The following FGGY variants were observed in gnomAD, a reference collection of about 807,000 sequenced individuals.
FGGY encodes the protein FGGY carbohydrate kinase domain-containing protein.
FGGY carries 72 observed loss-of-function variants against 71.3 expected under a neutral mutation model. The observed-to-expected ratio is 1.01, with a 90% CI of 0.84 to 1.23. FGGY has a LOEUF of 1.23. Ranked by LOEUF, FGGY falls within the 50% of genes most tolerant of loss-of-function variation. FGGY has a pLI of 0.00. For synonymous variants in FGGY, 251 were observed against 250.3 expected (o/e 1.00, Z -0.02); for missense variants, 668 against 682.3 (o/e 0.98, Z 0.23).
chr1:59,590,734 A>T (rs1057288214), intron 8 of FGGY, among the ~76,000 whole-genome samples: 2 of 152,230 alleles, frequency 1.3e-5, no homozygotes, highest in Non-Finnish European at 2.9e-5. Flanking sequence ...GACAAAATTC[A>T]ACAACGCCTT....
chr1:59,529,391 C>G (rs1346142229), intron 7 of FGGY, among the ~76,000 whole-genome samples: 1 of 152,136 alleles, frequency 6.6e-6, no homozygotes, highest in Non-Finnish European at 1.5e-5. Context: ...CAGTGAGAAC[C>G]CCCTGAGGTT....
Position 59,576,651 on chromosome 1 carries a change from A to AT in FGGY, c.903+22426dup, listed in dbSNP as rs571706155. Among the ~76,000 whole-genome samples the AT allele has an allele frequency of 1.8e-4, 24 of 135,770 alleles. No individual in the cohort carries two copies. The South Asian group carries it at 6.5e-3, about 37-fold the overall frequency. The allele number at this position is 135,770 out of a possible 152,430, so 89.1% of individuals were successfully genotyped here. ...CCAGTGAGAGTGATATTTGCTAGAG[A>AT]TTACAGACAGACAGACAGACAGACA... On this transcript the variant is annotated intron_variant, in intron 8 of 15. Transcript: ENST00000303721.
At chr1:59,360,729 C>G (rs1482351096) in intron 4 of FGGY, among the ~76,000 whole-genome samples, 1 of 152,282 alleles carries the variant, frequency 6.6e-6, no homozygotes, top group African/African-American at 2.4e-5. Context: ...ATATACTTAC[C>G]TTTAGAGGCA....
intron 7 of FGGY, among the ~76,000 whole-genome samples, chr1:59,541,854 A>G (rs141485807): frequency 1.3e-5 from 2 of 152,316 alleles, no homozygotes; most frequent in African/African-American, 2.4e-5. Flanking sequence ...GCTGTCACCT[A>G]CTGTCTTTGT....
chr1:59,454,276 T>C (rs1414352286), intron 5 of FGGY, among the ~76,000 whole-genome samples: 1 of 152,178 alleles, frequency 6.6e-6, no homozygotes, highest in Non-Finnish European at 1.5e-5. Flanking sequence ...ATACTGCCTT[T>C]TGCTCCCTAA....
At chr1:59,697,739 A>T (rs1265520666) in intron 14 of FGGY, 1 of 1,294,262 alleles carries the variant, frequency 7.7e-7, no homozygotes, top group African/African-American at 1.5e-5. Flanking sequence ...AGTCTTTTGC[A>T]AGTAGGTGAC....
At chr1:59,485,525 C>T (rs1569868748) in intron 6 of FGGY, among the ~76,000 whole-genome samples, 1 of 152,114 alleles carries the variant, frequency 6.6e-6, no homozygotes, top group South Asian at 2.1e-4. Context: ...TCCATACCAG[C>T]CTTGGATTCA....
chr1:59,322,026 T>G (rs1415386755), intron 2 of FGGY, among the ~76,000 whole-genome samples: 1 of 152,222 alleles, frequency 6.6e-6, no homozygotes, highest in African/African-American at 2.4e-5. Context: ...TGTGACCACA[T>G]GTGGAAGAAT....
chr1:59,512,229 A>T, intron 6 of FGGY, 82 bp from the exon 7 acceptor site: 1 of 1,426,850 alleles, frequency 7.0e-7, no homozygotes, highest in Non-Finnish European at 9.4e-7. Flanking sequence ...GAGAGAGCAA[A>T]GAGTTTCTCT....
At chr1:59,462,289 C>T (rs1428952069) in intron 6 of FGGY, among the ~76,000 whole-genome samples, 1 of 152,160 alleles carries the variant, frequency 6.6e-6, no homozygotes, top group Non-Finnish European at 1.5e-5. Context: ...CTTCCTTACA[C>T]CTTATACAAA....
At chr1:59,685,525 C>T (rs2097537217) in intron 14 of FGGY, among the ~76,000 whole-genome samples, 1 of 152,064 alleles carries the variant, frequency 6.6e-6, no homozygotes. Flanking sequence ...GGAAAATACA[C>T]ATATATATAC....
chr1:59,332,136 G>C (rs978693004), intron 2 of FGGY: 2 of 152,092 alleles, frequency 1.3e-5, no homozygotes, highest in Non-Finnish European at 2.9e-5. Context: ...ATGCAGAATT[G>C]AACCATTTCC....
Position 59,457,308 on chromosome 1 carries a change from G to A in FGGY, c.670+232G>A, listed in dbSNP as rs535406031. On this transcript the variant is annotated intron_variant, in intron 6 of 15. Transcript: ENST00000303721. ...GATACATGCTATGAAAATCTGCATT[G>A]AAATATAGAATCAGAAATTGCGCTG... 3.1e-3 allele frequency among the ~76,000 whole-genome samples: 466 copies of A among 152,216 alleles called. 1 individual carries two copies. The highest frequency in any genetic ancestry group is 5.2e-3 in the Non-Finnish European group (355 of 68,008).
chr1:59,305,366 G>T (rs1373311218), intron 1 of FGGY, among the ~76,000 whole-genome samples: 1 of 152,048 alleles, frequency 6.6e-6, no homozygotes, highest in Non-Finnish European at 1.5e-5. Context: ...TTATTGATTT[G>T]CATATGTTGA....
At chr1:59,391,114 A>G (rs1356132002) in intron 5 of FGGY, among the ~76,000 whole-genome samples, 1 of 152,064 alleles carries the variant, frequency 6.6e-6, no homozygotes, top group African/African-American at 2.4e-5. Context: ...CCATTTAGAA[A>G]CCTAGTAAAC....
chr1:59,746,220 C>T (rs1350418706), intron 14 of FGGY, among the ~76,000 whole-genome samples: 2 of 152,088 alleles, frequency 1.3e-5, no homozygotes, highest in Non-Finnish European at 2.9e-5. Context: ...GTATCTCCAT[C>T]ATTAGGTGGC....
At chr1:59,439,946 C>T (rs1272788372) in intron 5 of FGGY, among the ~76,000 whole-genome samples, 1 of 152,144 alleles carries the variant, frequency 6.6e-6, no homozygotes, top group African/African-American at 2.4e-5. Flanking sequence ...TCGATCCAGC[C>T]AGGCTGGTGG....
rs114356643 is a variant in FGGY, at chr1:59,368,406, A to G, written c.466-10343A>G. 8.5e-3 allele frequency among the ~76,000 whole-genome samples: 1,302 copies of G among 152,352 alleles called. 12 individuals carry two copies. The highest frequency in any genetic ancestry group is 0.012 in the Non-Finnish European group (805 of 68,036). The stretch of plus-strand genomic sequence containing the variant: ...AGGTTCAGGGTGGTAACTGTGGCAT[A>G]GTGGAAGGAAAGAACATTTACTTTA... On this transcript the variant is annotated intron_variant, in intron 4 of 15. Transcript: ENST00000303721.
chr1:59,328,029 A>T (rs150177654), intron 2 of FGGY, among the ~76,000 whole-genome samples: 20 of 152,294 alleles, frequency 1.3e-4, no homozygotes, highest in African/African-American at 4.6e-4. Context: ...ATAATTCTTA[A>T]GGGCCCTAGG....
Sources: gnomAD v4.1 joint callset for allele counts (sites outside exome capture counted in the v4.1 genomes callset) on GRCh38, gnomAD v4.1.1 for gene constraint, MANE v1.5 for transcripts, NCBI Gene and HGNC (gene_info 2026-07-23, HGNC 2026-07-21) for gene names.